Variants in UBE2W observed in about 807,000 individuals in gnomAD.
The protein encoded by UBE2W is ubiquitin conjugating enzyme E2 W, also known as ubiquitin-conjugating enzyme E2 W.
In UBE2W, 18 loss-of-function variants were observed where a neutral mutation model predicts 27.2. That is an observed-to-expected ratio of 0.66 (90% CI 0.46 to 0.98). The LOEUF is 0.98. UBE2W is among the 50% of genes least tolerant of loss of function. The pLI is 0.00. For synonymous variants in UBE2W, 53 were observed against 57.2 expected, an observed-to-expected ratio of 0.93 and a Z score of 0.33; for missense variants, 90 against 180.2, an observed-to-expected ratio of 0.50 and a Z score of 2.87.
In UBE2W at chr8:73,790,549, CA is replaced by C. The variant is rs1381350004; in HGVS notation, c.*3552del. 2 of 983,718 alleles carry C rather than the reference CA, an allele frequency of 2.0e-6. No individual in the cohort carries two copies. Among genetic ancestry groups the C allele is most frequent in the South Asian group, 4.7e-5 (1 of 21,258 alleles). The allele number at this position is 983,718 out of a possible 1,614,324, so 60.9% of individuals were successfully genotyped here. A position where few individuals can be genotyped will look rare whatever the true frequency, so the allele number is the denominator to read the frequency against. ...TTTAAGCATTCAGCTAAGATATGTA[CA>C]AAAAAATTAATGAAAGTGAGATCAA... On this transcript the variant is annotated 3_prime_UTR_variant, in exon 6 of 6. Coordinates refer to ENST00000602593, the MANE Select transcript of UBE2W (RefSeq NM_018299.6).
chr8:73,873,062 C>G (rs568954746), intron 1 of UBE2W, among the ~76,000 whole-genome samples: 1 of 152,140 alleles, frequency 6.6e-6, no homozygotes, highest in South Asian at 2.1e-4. Flanking sequence ...CGCTCTACCA[C>G]GCCTGGCTAA....
At chr8:73,839,834 C>A (rs982261560) in intron 1 of UBE2W, among the ~76,000 whole-genome samples, 1 of 148,410 alleles carries the variant, frequency 6.7e-6, no homozygotes, top group African/African-American at 2.5e-5. Flanking sequence ...CGGGCTCAAG[C>A]GATTCTCATG....
chr8:73,805,945 G>A (rs1586456966), intron 4 of UBE2W, among the ~76,000 whole-genome samples: 1 of 152,322 alleles, frequency 6.6e-6, no homozygotes, highest in East Asian at 1.9e-4. Context: ...AGTGTGGTCT[G>A]TGTTAGGTTC....
intron 5 of UBE2W, among the ~76,000 whole-genome samples, chr8:73,803,532 T>TC (rs1166693247): frequency 6.6e-6 from 1 of 152,104 alleles, no homozygotes; most frequent in Non-Finnish European, 1.5e-5. Context: ...ACTATTTTTT[T>TC]CCCAAACTTT....
At chr8:73,784,727 A>G (rs574676874), downstream of UBE2W, among the ~76,000 whole-genome samples, 2 of 152,088 alleles carry the variant, frequency 1.3e-5, no homozygotes, top group South Asian at 4.2e-4. Flanking sequence ...GATCTTTACT[A>G]TGAAGTAGAC....
At chr8:73,855,163 T>G (rs76567900) in intron 1 of UBE2W, among the ~76,000 whole-genome samples, 5,501 of 152,260 alleles carry the variant, frequency 0.036, 132 homozygotes, top group Middle Eastern at 0.085. Flanking sequence ...AGTGTTTGAT[T>G]CAAAGTTTGC....
At chr8:73,842,224 T>C (rs1425275094) in intron 1 of UBE2W, among the ~76,000 whole-genome samples, 4 of 152,048 alleles carry the variant, frequency 2.6e-5, no homozygotes, top group Admixed American at 1.3e-4. Flanking sequence ...ACTAAGACTA[T>C]GCAACCGTTA....
chr8:73,876,741 G>A (rs1204685738), intron 1 of UBE2W, among the ~76,000 whole-genome samples: 1 of 152,166 alleles, frequency 6.6e-6, no homozygotes, highest in African/African-American at 2.4e-5. Flanking sequence ...GGCCAAGGCA[G>A]GCGGATCACC....
At position 73,794,229 on chromosome 8, in the gene UBE2W, G is replaced by A. The variant is rs1039636372; in HGVS notation, c.443-114C>T. ...TTAGCAAGAAGTACATAGTTTACAT[G>A]TCTGATCTGCCTCCCCCAAACCTGT... On this transcript the variant is annotated intron_variant, in intron 5 of 5. Coordinates refer to ENST00000602593, the MANE Select transcript of UBE2W (RefSeq NM_018299.6). 42 of 1,302,072 alleles carry A rather than the reference G, an allele frequency of 3.2e-5. 1 individual carries two copies. In the Admixed American group the frequency reaches 4.0e-4, roughly 12 times the overall value. The allele number at this position is 1,302,072 out of a possible 1,614,324, so 80.7% of individuals were successfully genotyped here. A position where few individuals can be genotyped will look rare whatever the true frequency, so the allele number is the denominator to read the frequency against.
At chr8:73,838,907 C>T (rs117961089) in intron 1 of UBE2W, among the ~76,000 whole-genome samples, 2,898 of 152,242 alleles carry the variant, frequency 0.019, 39 homozygotes, top group Non-Finnish European at 0.03. Flanking sequence ...TTGTGGGCCA[C>T]CACTTCATTT....
At position 73,786,895 on chromosome 8, in the gene UBE2W, T is replaced by C. The variant is rs1807980165; in HGVS notation, c.*7207A>G. 1.0e-6 allele frequency: 1 copy of C among 985,388 alleles called. No individual in the cohort carries two copies. Among genetic ancestry groups the C allele is most frequent in the Admixed American group, 6.1e-5 (1 of 16,280 alleles). 61.0% of individuals were successfully genotyped at this position (985,388 alleles called of 1,614,324 possible). Reference sequence around the variant, plus strand: ...TATAACAGGATAAAAGAAATATGTTTTCATTGAGGTATGGAAACATAAAAT... The same window carrying C: ...TATAACAGGATAAAAGAAATATGTTCTCATTGAGGTATGGAAACATAAAAT... On this transcript the variant is annotated 3_prime_UTR_variant, in exon 6 of 6. Transcript: ENST00000602593.
At chr8:73,811,692 C>A (rs1445237081) in intron 3 of UBE2W, among the ~76,000 whole-genome samples, 1 of 152,118 alleles carries the variant, frequency 6.6e-6, no homozygotes, top group East Asian at 1.9e-4. Context: ...CAGATATAAA[C>A]CAACAATTCC....
intron 1 of UBE2W, among the ~76,000 whole-genome samples, chr8:73,875,685 A>G (rs923258804): frequency 1.3e-5 from 2 of 152,170 alleles, no homozygotes; most frequent in Non-Finnish European, 2.9e-5. Context: ...TTCCTAATCG[A>G]AATCCCCAAA....
intron 4 of UBE2W, among the ~76,000 whole-genome samples, chr8:73,806,244 A>C (rs1025537148): frequency 1.3e-5 from 2 of 152,140 alleles, no homozygotes; most frequent in African/African-American, 4.8e-5. Context: ...ATTTAAACAT[A>C]GCCGGGCGCA....
At chr8:73,819,257 T>C (rs1809513171) in intron 3 of UBE2W, among the ~76,000 whole-genome samples, 4 of 152,208 alleles carry the variant, frequency 2.6e-5, no homozygotes, top group Admixed American at 2.6e-4. Context: ...CTATATGTAT[T>C]CTACTCGTTG....
At chr8:73,839,189 C>G (rs1456129529) in intron 1 of UBE2W, among the ~76,000 whole-genome samples, 1 of 152,000 alleles carries the variant, frequency 6.6e-6, no homozygotes, top group African/African-American at 2.4e-5. Context: ...TTTGCTATTT[C>G]AGAGAGCTGC....
At chr8:73,878,488 G>C (rs1055315568) in intron 1 of UBE2W, among the ~76,000 whole-genome samples, 2 of 152,214 alleles carry the variant, frequency 1.3e-5, no homozygotes, top group Admixed American at 6.5e-5. Context: ...CAGCAGACTG[G>C]CAGCGCCCGT....
At chr8:73,804,097 G>A (rs1808766433) in intron 5 of UBE2W, among the ~76,000 whole-genome samples, 1 of 151,672 alleles carries the variant, frequency 6.6e-6, no homozygotes, top group Non-Finnish European at 1.5e-5. Flanking sequence ...TTTAACTACT[G>A]GCATAGTTCT....
At chr8:73,846,690 A>G (rs16938734) in intron 1 of UBE2W, among the ~76,000 whole-genome samples, 8,669 of 152,266 alleles carry the variant, frequency 0.057, 815 homozygotes, top group African/African-American at 0.19. Flanking sequence ...CAAAATGTCT[A>G]ATTTGTAAAA....
Sources: gnomAD v4.1 joint callset for allele counts (sites outside exome capture counted in the v4.1 genomes callset) on GRCh38, gnomAD v4.1.1 for gene constraint, MANE v1.5 for transcripts, NCBI Gene and HGNC (gene_info 2026-07-23, HGNC 2026-07-21) for gene names.